KLK13: variants seen among roughly 807,000 people sequenced by gnomAD.
KLK13 encodes kallikrein-13.
In KLK13, 19 loss-of-function variants were observed where a neutral mutation model predicts 22.4. That is an observed-to-expected ratio of 0.85 (90% CI 0.59 to 1.24). The LOEUF (loss-of-function observed/expected upper bound fraction) is 1.24, where lower values mean the gene tolerates loss of function less well. Among genes scored for constraint, KLK13 ranks in the 50% most tolerant of loss-of-function variants. The pLI, the probability that KLK13 is intolerant of heterozygous loss-of-function variation, is 0.00. For missense variants in KLK13, 311 were observed against 347.9 expected (o/e 0.89, Z 0.84); for synonymous variants, 156 against 141.8 (o/e 1.10, Z -0.71).
In KLK13 at chr19:51,056,208, T is replaced by G; in HGVS notation, c.*379A>C. ...ATACTTGAAGAGTTAGAGGATGTTG[T>G]CAAGGATGGTCCATTTATAGGACAT... On this transcript the variant is annotated 3_prime_UTR_variant, in exon 5 of 5. Coordinates refer to ENST00000595793, the MANE Select transcript of KLK13 (RefSeq NM_015596.3). 5.2e-6 allele frequency: 1 copy of G among 193,222 alleles called. No individual in the cohort carries two copies. The highest frequency in any genetic ancestry group is 1.5e-4 in the East Asian group (1 of 6,878). 12.0% of individuals were successfully genotyped at this position (193,222 alleles called of 1,614,324 possible). A position where few individuals can be genotyped will look rare whatever the true frequency, so the allele number is the denominator to read the frequency against.
In KLK13 at chr19:51,058,655, T is replaced by C. The variant is rs751493581; in HGVS notation, c.528A>G (p.Leu176=). ...TSPQVNYPKT[L]QCANIQLRSD... ...AGCGAAGTTGGATGTTGGCACATTGTAGAGTTTTGGGGTAATTCACTGGGG... is the reference window on the plus strand; with the variant it reads ...AGCGAAGTTGGATGTTGGCACATTGCAGAGTTTTGGGGTAATTCACTGGGG... The change falls in exon 4 of 5, where the codon CTA becomes CTG. Residue 176 remains leucine (L), a synonymous_variant. Transcript: ENST00000595793. 6.2e-7 allele frequency: 1 copy of C among 1,614,100 alleles called. No homozygotes were observed. Among genetic ancestry groups the C allele is most frequent in the Non-Finnish European group, 8.5e-7 (1 of 1,180,016 alleles).
At chr19:51,065,591 C>T (rs191629369), upstream of KLK13, among the ~76,000 whole-genome samples, 235 of 152,220 alleles carry the variant, frequency 1.5e-3, no homozygotes, top group Admixed American at 3.5e-3. Context: ...CTTCTCTCCC[C>T]TCCCTGCCCT....
At chr19:51,064,987 G>A (rs2091768366) in intron 1 of KLK13, 29 bp downstream of exon 1, 2 of 1,521,576 alleles carry the variant, frequency 1.3e-6, no homozygotes, top group East Asian at 2.6e-5. Flanking sequence ...CCGAATGGCC[G>A]CCGCGCCTCC....
At chr19:51,061,016 A>G (rs1433306360) in intron 1 of KLK13, among the ~76,000 whole-genome samples, 1 of 152,028 alleles carries the variant, frequency 6.6e-6, no homozygotes, top group African/African-American at 2.4e-5. Context: ...AATCTATCCA[A>G]TCATCCATCC....
At chr19:51,064,846 C>T in intron 1 of KLK13, 170 bp downstream of exon 1, 1 of 633,352 alleles carries the variant, frequency 1.6e-6, no homozygotes. Flanking sequence ...AGCCGGGAAA[C>T]CAGGTCACCC....
At position 51,065,092 on chromosome 19, in the gene KLK13, C is replaced by T; in HGVS notation, c.-25G>A. ...TGGCTCCGGGATCGGGAGGGGAGGG[C>T]AGGGCGGGCGGGGCCTGAGGAGAAG... is the stretch of plus-strand genomic sequence containing the variant. On this transcript the variant is annotated 5_prime_UTR_variant, in exon 1 of 5. Coordinates refer to ENST00000595793, the MANE Select transcript of KLK13 (RefSeq NM_015596.3). The T allele has an allele frequency of 2.0e-6, 1 of 495,924 alleles. No homozygotes were observed. The allele number at this position is 495,924 out of a possible 1,614,324, so 30.7% of individuals were successfully genotyped here.
At chr19:51,056,832 C>G in intron 4 of KLK13, 57 bp from the exon 5 acceptor site, 2 of 1,352,154 alleles carry the variant, frequency 1.5e-6, no homozygotes, top group Admixed American at 3.6e-5. Flanking sequence ...CTAAACAAGG[C>G]AGGGACAGGG....
At chr19:51,058,810 C>T in intron 3 of KLK13, 136 bp from the exon 4 acceptor site, 1 of 860,512 alleles carries the variant, frequency 1.2e-6, no homozygotes, top group Non-Finnish European at 1.9e-6. Flanking sequence ...AAGAGATGAG[C>T]ACCTATCTGG....
rs776292609 is a variant in KLK13 at position 51,059,913 on chromosome 19, G to C, written c.420C>G (p.Ile140Met). The change falls in exon 3 of 5, where the codon ATC (isoleucine) becomes ATG (methionine). Residue 140 changes from isoleucine to methionine, a missense_variant. Coordinates refer to ENST00000595793, the MANE Select transcript of KLK13 (RefSeq NM_015596.3). ...LQSPVQLTGYIQTLPLSHNNR... is the reference protein window; with the variant it reads ...LQSPVQLTGYMQTLPLSHNNR... ...TGTTGTGGGAAAGGGGCAGGGTTTG[G>C]ATGTAGCCTGTGAGCTGGACCGGGG... The C allele has an allele frequency of 3.1e-6, 5 of 1,608,876 alleles. No individual in the cohort carries two copies. The highest frequency in any genetic ancestry group is 4.2e-6 in the Non-Finnish European group (5 of 1,177,460).
intron 1 of KLK13, chr19:51,064,637 T>C: frequency 1.8e-6 from 1 of 549,380 alleles, no homozygotes. Flanking sequence ...TGGTAAGCAC[T>C]TATAGATTAA....
At chr19:51,060,660 G>A (rs761856471) in intron 1 of KLK13, 41 bp from the exon 2 acceptor site, 16 of 1,502,194 alleles carry the variant, frequency 1.1e-5, no homozygotes, top group Middle Eastern at 3.9e-4. Context: ...GGGATCCAGG[G>A]GGCAGAGGAG....
At chr19:51,063,365 T>A (rs2091747298) in intron 1 of KLK13, among the ~76,000 whole-genome samples, 1 of 141,366 alleles carries the variant, frequency 7.1e-6, no homozygotes, top group Non-Finnish European at 1.6e-5. Flanking sequence ...CATGCTTTTG[T>A]TTGAGTGAAA....
chr19:51,060,378 C>T (rs751699400), intron 2 of KLK13, 55 bp downstream of exon 2: 4 of 1,507,174 alleles, frequency 2.7e-6, no homozygotes, highest in Non-Finnish European at 2.7e-6. Flanking sequence ...CTACCCCATC[C>T]ACAATCCCAG....
intron 3 of KLK13, 73 bp from the exon 4 acceptor site, chr19:51,058,747 T>C (rs1275791526): frequency 1.4e-6 from 2 of 1,438,678 alleles, no homozygotes; most frequent in African/African-American, 1.4e-5. Context: ...AATAGGCGAG[T>C]TGAATGGGTA....
intron 1 of KLK13, among the ~76,000 whole-genome samples, chr19:51,064,405 T>C (rs1366569557): frequency 6.7e-6 from 1 of 148,634 alleles, no homozygotes; most frequent in Non-Finnish European, 1.5e-5. Context: ...GGAGAATCGC[T>C]TCAACCCGGG....
Position 51,058,555 on chromosome 19 carries a change from C to T in KLK13, c.628G>A (p.Gly210Ser). The T allele has an allele frequency of 6.2e-7, 1 of 1,614,148 alleles. No individual in the cohort carries two copies. Among genetic ancestry groups the T allele is most frequent in the African/African-American group, 1.3e-5 (1 of 75,012 alleles). The change falls in exon 4 of 5, where the codon GGC (glycine) becomes AGC (serine). Residue 210 changes from glycine to serine, a missense_variant. Coordinates refer to ENST00000595793, the MANE Select transcript of KLK13 (RefSeq NM_015596.3). ...GGCCTCACCTCACAGGAGTCTTTGC[C>T]ACCCTCTTTTGTGCCGGCACACAAC... ...NMLCAGTKEG[G>S]KDSCEGDSGG...
chr19:51,062,469 C>A (rs1023720054), intron 1 of KLK13, among the ~76,000 whole-genome samples: 1 of 152,192 alleles, frequency 6.6e-6, no homozygotes, highest in African/African-American at 2.4e-5. Context: ...TGACTGTAAG[C>A]TCCATTGACA....
At chr19:51,061,096 T>C (rs2091726027) in intron 1 of KLK13, among the ~76,000 whole-genome samples, 1 of 152,046 alleles carries the variant, frequency 6.6e-6, no homozygotes, top group Admixed American at 6.5e-5. Flanking sequence ...TAGGTAGTCA[T>C]CTAACCATCT....
Position 51,056,568 on chromosome 19 carries a change from C to G in KLK13, c.*19G>C, listed in dbSNP as rs995920870. The G allele has an allele frequency of 6.2e-7, 1 of 1,612,410 alleles. No homozygotes were observed. Among genetic ancestry groups the G allele is most frequent in the South Asian group, 1.1e-5 (1 of 90,890 alleles). On this transcript the variant is annotated 3_prime_UTR_variant, in exon 5 of 5. Coordinates refer to ENST00000595793, the MANE Select transcript of KLK13 (RefSeq NM_015596.3). Reference sequence around the variant, plus strand: ...GGAAGTCATGGTGACAGGATGGAAGCCGGTACATTTCTCAACTTTTATTGT... The same window carrying G: ...GGAAGTCATGGTGACAGGATGGAAGGCGGTACATTTCTCAACTTTTATTGT...
Sources: gnomAD v4.1 joint callset for allele counts (sites outside exome capture counted in the v4.1 genomes callset) on GRCh38, gnomAD v4.1.1 for gene constraint, MANE v1.5 for transcripts, NCBI Gene and HGNC (gene_info 2026-07-23, HGNC 2026-07-21) for gene names.